Variants in GPC6 observed in about 807,000 individuals in gnomAD.
GPC6 encodes glypican 6, also known as glypican-6.
In GPC6, 14 loss-of-function variants were observed where a neutral mutation model predicts 55.2. The observed-to-expected ratio is 0.25, with a 90% CI of 0.17 to 0.40. The LOEUF is 0.40. Among genes scored for constraint, GPC6 ranks in the 10% least tolerant of loss-of-function variants. GPC6 has a pLI of 1.00. For missense variants in GPC6, 641 were observed against 708.5 expected (o/e 0.90, Z 1.08); for synonymous variants, 278 against 259.6 (o/e 1.07, Z -0.68).
chr13:93,389,348 A>T (rs1039844063), intron 1 of GPC6, among the ~76,000 whole-genome samples: 15 of 151,542 alleles, frequency 9.9e-5, no homozygotes, highest in East Asian at 1.9e-4. Context: ...ATACAAAAAA[A>T]AAATAAATAG....
At chr13:93,834,125 A>T (rs895207220) in intron 3 of GPC6, among the ~76,000 whole-genome samples, 6 of 152,222 alleles carry the variant, frequency 3.9e-5, no homozygotes, top group African/African-American at 7.2e-5. Context: ...CCTATTCTAA[A>T]ACTTCAATTT....
chr13:94,260,642 T>C lies in GPC6; in HGVS notation c.878-25707T>C, dbSNP rs921102483. Among the ~76,000 whole-genome samples the C allele has an allele frequency of 2.6e-5, 4 of 152,160 alleles. 1 individual carries two copies. The highest frequency in any genetic ancestry group is 9.7e-5 in the African/African-American group (4 of 41,440). On this transcript the variant is annotated intron_variant, in intron 4 of 8. Transcript: ENST00000377047. ...CTCCTAATATAACCATATTCTGAGGTGCTGGAAGTTAGGACTTCAGCATAT... is the reference window on the plus strand; with the variant it reads ...CTCCTAATATAACCATATTCTGAGGCGCTGGAAGTTAGGACTTCAGCATAT...
chr13:93,467,637 G>C (rs778872404), intron 1 of GPC6, among the ~76,000 whole-genome samples: 15 of 143,666 alleles, frequency 1.0e-4, no homozygotes, highest in African/African-American at 3.1e-4. Flanking sequence ...GATGGAGTGC[G>C]GTATTGTGAT....
At chr13:94,320,592 C>T (rs889273869) in intron 6 of GPC6, among the ~76,000 whole-genome samples, 1 of 152,128 alleles carries the variant, frequency 6.6e-6, no homozygotes, top group African/African-American at 2.4e-5. Context: ...GATACTGGCT[C>T]GTCACTTTAG....
intron 2 of GPC6, among the ~76,000 whole-genome samples, chr13:93,726,205 C>T (rs144574312): frequency 1.3e-4 from 20 of 151,024 alleles, no homozygotes; most frequent in African/African-American, 4.1e-4. Context: ...CTTGGTGGCA[C>T]TGTTTGAGCT....
intron 1 of GPC6, among the ~76,000 whole-genome samples, chr13:93,292,613 G>A (rs748110511): frequency 4.6e-5 from 7 of 152,098 alleles, no homozygotes; most frequent in Non-Finnish European, 1.0e-4. Context: ...AATGGGTTGT[G>A]AAATTTACAC....
At chr13:93,415,647 TTTG>T (rs1381749099) in intron 1 of GPC6, among the ~76,000 whole-genome samples, 5 of 152,044 alleles carry the variant, frequency 3.3e-5, no homozygotes, top group African/African-American at 1.2e-4. Context: ...CAATACAGTG[TTTG>T]TTGTTGTTGC....
chr13:93,974,921 A>T (rs571004964), intron 3 of GPC6, among the ~76,000 whole-genome samples: 41 of 152,246 alleles, frequency 2.7e-4, no homozygotes, highest in Non-Finnish European at 5.3e-4. Context: ...GGCTTAGGGG[A>T]AATAGCTTAT....
At chr13:93,248,482 T>C (rs1876678384) in intron 1 of GPC6, among the ~76,000 whole-genome samples, 1 of 151,324 alleles carries the variant, frequency 6.6e-6, no homozygotes. Flanking sequence ...TCACAATTAC[T>C]ATAATCAGGA....
In GPC6 at chr13:93,932,705, G is replaced by A. The variant is rs118071021; in HGVS notation, c.712-95024G>A. Among the ~76,000 whole-genome samples the A allele has an allele frequency of 9.4e-3, 1,431 of 152,174 alleles. 8 individuals are homozygous for A. The highest frequency in any genetic ancestry group is 0.017 in the Admixed American group (257 of 15,280). On this transcript the variant is annotated intron_variant, in intron 3 of 8. Coordinates refer to ENST00000377047, the MANE Select transcript of GPC6 (RefSeq NM_005708.5). ...TTTGTTCCACCCTTCCTGGCTCTGG[G>A]ACCGTGAGCCCAGTTACTTAAAGTT...
At chr13:93,484,140 C>T (rs1203525856) in intron 1 of GPC6, among the ~76,000 whole-genome samples, 3 of 149,276 alleles carry the variant, frequency 2.0e-5, no homozygotes, top group African/African-American at 7.3e-5. Flanking sequence ...TTATCTCCTT[C>T]AGCATCTGCC....
rs534729225 is a variant in GPC6 at position 93,363,870 on chromosome 13, A to G, written c.160+136254A>G. Among the ~76,000 whole-genome samples, 116 of 152,002 alleles carry G rather than the reference A, an allele frequency of 7.6e-4. 1 individual carries two copies. Among genetic ancestry groups the G allele is most frequent in the African/African-American group, 2.7e-3 (110 of 41,414 alleles). Reference sequence around the variant, plus strand: ...TATCTCATTGTGGTTTTGATTTGCAATTCTCTGATGGCCAGTGATGCTGAG... The same window carrying G: ...TATCTCATTGTGGTTTTGATTTGCAGTTCTCTGATGGCCAGTGATGCTGAG... On this transcript the variant is annotated intron_variant, in intron 1 of 8. Coordinates refer to ENST00000377047, the MANE Select transcript of GPC6 (RefSeq NM_005708.5).
At chr13:94,206,149 A>G (rs1277449303) in intron 4 of GPC6, among the ~76,000 whole-genome samples, 2 of 152,230 alleles carry the variant, frequency 1.3e-5, no homozygotes, top group South Asian at 4.1e-4. Flanking sequence ...GGAAATTTAT[A>G]TTTATAAAAT....
At chr13:93,879,293 A>G (rs570276735) in intron 3 of GPC6, among the ~76,000 whole-genome samples, 1 of 152,242 alleles carries the variant, frequency 6.6e-6, no homozygotes, top group South Asian at 2.1e-4. Flanking sequence ...TGGAGGCATC[A>G]CACTACCTGA....
intron 4 of GPC6, among the ~76,000 whole-genome samples, chr13:94,152,571 T>A (rs1887778903): frequency 1.3e-5 from 2 of 152,076 alleles, no homozygotes; most frequent in South Asian, 4.1e-4. Flanking sequence ...ATTACTGAGA[T>A]CAAGTTAAGT....
intron 7 of GPC6, among the ~76,000 whole-genome samples, chr13:94,388,043 G>T (rs1880488393): frequency 6.6e-6 from 1 of 152,042 alleles, no homozygotes; most frequent in African/African-American, 2.4e-5. Context: ...GGAGTAGCAA[G>T]GCTTGAAGGC....
intron 5 of GPC6, among the ~76,000 whole-genome samples, chr13:94,287,250 G>A (rs74387336): frequency 1.1e-3 from 170 of 152,292 alleles, no homozygotes; most frequent in African/African-American, 3.8e-3. Context: ...TCCCTTTCAT[G>A]AAACACTAAC....
the GPC6 span, among the ~76,000 whole-genome samples, chr13:93,220,371 TTAA>T: frequency 1.3e-5 from 2 of 152,228 alleles, no homozygotes; most frequent in African/African-American, 4.8e-5. Context: ...AAGCATGGTT[TTAA>T]TAATCCAGGT....
intron 1 of GPC6, among the ~76,000 whole-genome samples, chr13:93,426,195 TTC>T (rs2139266997): frequency 6.6e-6 from 1 of 152,232 alleles, no homozygotes; most frequent in Admixed American, 6.5e-5. Flanking sequence ...TTCCTATAGC[TTC>T]TATAGTCTAG....
Sources: allele counts gnomAD v4.1 joint callset (sites outside exome capture counted in the v4.1 genomes callset), GRCh38; gene constraint gnomAD v4.1.1; transcripts MANE v1.5; gene names NCBI Gene and HGNC (gene_info 2026-07-23, HGNC 2026-07-21).